DOCK4: variants seen among roughly 807,000 people sequenced by gnomAD.
The protein encoded by DOCK4 is dedicator of cytokinesis protein 4.
DOCK4 carries 97 observed loss-of-function variants against 268.1 expected under a neutral mutation model. The observed-to-expected ratio is 0.36, with a 90% CI of 0.31 to 0.43. DOCK4 has a LOEUF of 0.43. Ranked by LOEUF, DOCK4 falls within the 20% of genes least tolerant of loss-of-function variation. The probability of loss-of-function intolerance (pLI) is 1.00; values close to 1 mark genes in which losing one functional copy is unlikely to be tolerated. For missense variants in DOCK4, 2,145 were observed against 2,455.7 expected, an observed-to-expected ratio of 0.87 and a Z score of 2.67; for synonymous variants, 954 against 887.2, an observed-to-expected ratio of 1.08 and a Z score of -1.34.
At chr7:111,750,868 T>C (rs565039000) in intron 42 of DOCK4, among the ~76,000 whole-genome samples, 1 of 152,280 alleles carries the variant, frequency 6.6e-6, no homozygotes, top group Non-Finnish European at 1.5e-5. Context: ...AATATACTTA[T>C]ATCCATGAGT....
At chr7:112,029,360 T>C (rs908607225) in intron 1 of DOCK4, among the ~76,000 whole-genome samples, 14 of 152,330 alleles carry the variant, frequency 9.2e-5, no homozygotes, top group African/African-American at 3.1e-4. Flanking sequence ...TCTCAAATTA[T>C]GCAGCATAGA....
chr7:112,169,875 T>C (rs1477377857), intron 1 of DOCK4, among the ~76,000 whole-genome samples: 1 of 152,180 alleles, frequency 6.6e-6, no homozygotes, highest in African/African-American at 2.4e-5. Context: ...TTGCCTACAA[T>C]AGGCACTCAA....
intron 1 of DOCK4, among the ~76,000 whole-genome samples, chr7:112,133,359 C>G (rs1463609324): frequency 1.3e-5 from 2 of 152,180 alleles, no homozygotes; most frequent in Non-Finnish European, 2.9e-5. Context: ...TATAAATGAG[C>G]ACACTTTCCT....
chr7:112,039,339 G>A (rs748076702), intron 1 of DOCK4, among the ~76,000 whole-genome samples: 1 of 141,086 alleles, frequency 7.1e-6, no homozygotes, highest in Non-Finnish European at 1.5e-5. Context: ...ACTGTGATAT[G>A]TAGAAAACTG....
intron 1 of DOCK4, among the ~76,000 whole-genome samples, chr7:112,143,901 T>G (rs1405378374): frequency 3.3e-5 from 5 of 152,222 alleles, no homozygotes; most frequent in Non-Finnish European, 7.3e-5. Context: ...TCGGATCATC[T>G]GTAAGTTCTT....
rs1004602224 is a variant in DOCK4 at position 111,929,396 on chromosome 7, A to T, written c.1066+6144T>A. On this transcript the variant is annotated intron_variant, in intron 12 of 52. Coordinates refer to ENST00000428084, the MANE Select transcript of DOCK4 (RefSeq NM_001363540.2). Reference sequence around the variant, plus strand: ...TAGTTGAAAAAAAAACTTTAAAGAGAGATCATGGTAAAATATTTAGGAAAC... The same window carrying T: ...TAGTTGAAAAAAAAACTTTAAAGAGTGATCATGGTAAAATATTTAGGAAAC... 2.0e-5 allele frequency among the ~76,000 whole-genome samples: 3 copies of T among 152,174 alleles called. No individual in the cohort carries two copies. In the South Asian group the frequency reaches 6.2e-4, roughly 32 times the overall value.
At chr7:111,910,032 T>G (rs1180503686) in intron 13 of DOCK4, among the ~76,000 whole-genome samples, 1 of 149,274 alleles carries the variant, frequency 6.7e-6, no homozygotes, top group Non-Finnish European at 1.5e-5. Flanking sequence ...TAAAAGTGAA[T>G]GCACTGAAAT....
chr7:111,807,602 G>C (rs2133889350), intron 30 of DOCK4: 1 of 151,718 alleles, frequency 6.6e-6, no homozygotes, highest in East Asian at 2.0e-4. Context: ...AGCCTCCCAA[G>C]TAGCTGAGAT....
chr7:111,728,715 A>C lies in DOCK4; in HGVS notation c.5487T>G (p.Ser1829=). 6.2e-7 allele frequency: 1 copy of C among 1,609,528 alleles called. No homozygotes were observed. The highest frequency in any genetic ancestry group is 8.5e-7 in the Non-Finnish European group (1 of 1,177,604). The change falls in exon 53 of 53, where the codon TCT becomes TCG. Residue 1829 remains serine (S), a synonymous_variant. Transcript: ENST00000428084. ...CTGGAGAGGGGGTGAAAGACTGCAC[A>C]GAGCCCTGCTCCGGGGAGAAGGAAA... ...SPAGRSPLKG[S]VQSFTPSPVE...
intron 1 of DOCK4, among the ~76,000 whole-genome samples, chr7:112,100,941 C>G (rs1182413846): frequency 2.0e-5 from 3 of 152,128 alleles, no homozygotes; most frequent in African/African-American, 7.2e-5. Flanking sequence ...ATTCCAAACT[C>G]TGAGCTTTGA....
intron 30 of DOCK4, among the ~76,000 whole-genome samples, chr7:111,798,354 AAAG>A (rs1800043576): frequency 1.3e-5 from 2 of 152,236 alleles, no homozygotes; most frequent in African/African-American, 4.8e-5. Context: ...GCTGAAAATT[AAAG>A]AAGGGAAAGT....
intron 1 of DOCK4, among the ~76,000 whole-genome samples, chr7:112,054,225 C>A (rs1250881108): frequency 2.0e-5 from 3 of 152,136 alleles, no homozygotes; most frequent in Non-Finnish European, 2.9e-5. Context: ...GAAATGAGTA[C>A]CTCCACCTCA....
intron 16 of DOCK4, among the ~76,000 whole-genome samples, chr7:111,887,160 ATGG>A (rs1327883826): frequency 2.6e-5 from 4 of 152,184 alleles, no homozygotes; most frequent in Non-Finnish European, 5.9e-5. Flanking sequence ...CTATTTAGAC[ATGG>A]TGGGTAAATG....
At chr7:111,800,255 GTTAT>G (rs1372585639) in intron 30 of DOCK4, among the ~76,000 whole-genome samples, 1 of 151,310 alleles carries the variant, frequency 6.6e-6, no homozygotes, top group African/African-American at 2.4e-5. Flanking sequence ...ACAACAACTG[GTTAT>G]TTGAAGGAAA....
At chr7:111,731,844 A>G (rs184751883) in intron 52 of DOCK4, among the ~76,000 whole-genome samples, 19 of 142,858 alleles carry the variant, frequency 1.3e-4, no homozygotes, top group African/African-American at 5.0e-4. Flanking sequence ...CTTGATACTG[A>G]TGTTTCTCAA....
At chr7:112,024,440 T>C (rs1802597624) in intron 1 of DOCK4, among the ~76,000 whole-genome samples, 2 of 152,168 alleles carry the variant, frequency 1.3e-5, no homozygotes, top group African/African-American at 4.8e-5. Flanking sequence ...TAGCCTTCCA[T>C]CCCAGTAAAT....
chr7:111,921,111 G>A (rs1291553512), intron 12 of DOCK4, among the ~76,000 whole-genome samples: 1 of 152,044 alleles, frequency 6.6e-6, no homozygotes, highest in African/African-American at 2.4e-5. Flanking sequence ...AAATTGCTGT[G>A]GGAGAAATGT....
intron 16 of DOCK4, among the ~76,000 whole-genome samples, chr7:111,883,621 T>G (rs2134304108): frequency 6.6e-6 from 1 of 152,298 alleles, no homozygotes; most frequent in East Asian, 1.9e-4. Context: ...TGCCATGGGA[T>G]GGACCACTTG....
intron 1 of DOCK4, among the ~76,000 whole-genome samples, chr7:112,050,793 G>A (rs528296537): frequency 6.6e-6 from 1 of 152,090 alleles, no homozygotes; most frequent in East Asian, 1.9e-4. Context: ...TGATTTGAAA[G>A]TCTGCATAAG....
Sources: allele counts gnomAD v4.1 joint callset (sites outside exome capture counted in the v4.1 genomes callset), GRCh38; gene constraint gnomAD v4.1.1; transcripts MANE v1.5; gene names NCBI Gene and HGNC (gene_info 2026-07-23, HGNC 2026-07-21).